ACYP2: variants seen among roughly 807,000 people sequenced by gnomAD.
The protein encoded by ACYP2 is acylphosphatase 2.
In ACYP2, 12 loss-of-function variants were observed where a neutral mutation model predicts 11.2. The ratio of observed to expected loss-of-function variants is 1.08; its 90% CI spans 0.69 to 1.74. The LOEUF (loss-of-function observed/expected upper bound fraction) is 1.74. ACYP2 is among the 40% of genes most tolerant of loss of function. ACYP2 has a pLI of 0.00. For missense variants in ACYP2, 134 were observed against 101.9 expected (o/e 1.31, Z -1.35); for synonymous variants, 43 against 32.2 (o/e 1.33, Z -1.13).
chr2:54,193,382 G>T (rs1684318760), intron 6 of ACYP2, among the ~76,000 whole-genome samples: 1 of 152,176 alleles, frequency 6.6e-6, no homozygotes, highest in Non-Finnish European at 1.5e-5. Context: ...AGAAGGAAAT[G>T]TAAGTTTAGG....
At chr2:54,095,041 C>CCTTCCGT (rs1312870738) in intron 4 of ACYP2, among the ~76,000 whole-genome samples, 14,102 of 145,732 alleles carry the variant, frequency 0.097, 806 homozygotes, top group East Asian at 0.28. Flanking sequence ...CGGCCTTCCG[C>CCTTCCGT]GGTGTTTGTG....
At chr2:54,293,545 A>G (rs1435533658) in intron 6 of ACYP2, among the ~76,000 whole-genome samples, 1 of 152,206 alleles carries the variant, frequency 6.6e-6, no homozygotes, top group Non-Finnish European at 1.5e-5. Flanking sequence ...ACTGGTGGAG[A>G]TGCACTAGAA....
intron 6 of ACYP2, among the ~76,000 whole-genome samples, chr2:54,178,961 A>G (rs920320669): frequency 6.6e-6 from 1 of 152,076 alleles, no homozygotes. Flanking sequence ...TTTACTTCTC[A>G]TGGATCTGGA....
chr2:54,095,222 G>A (rs1198519305), intron 4 of ACYP2, among the ~76,000 whole-genome samples: 2 of 152,302 alleles, frequency 1.3e-5, no homozygotes, highest in South Asian at 4.1e-4. Context: ...CAGATCAACA[G>A]GATCCCAAGG....
intron 4 of ACYP2, among the ~76,000 whole-genome samples, chr2:54,127,121 A>T (rs538966738): frequency 1.5e-5 from 2 of 137,214 alleles, no homozygotes; most frequent in East Asian, 4.1e-4. Context: ...TTTTTTGGAC[A>T]TGGCTCTTTT....
intron 4 of ACYP2, among the ~76,000 whole-genome samples, chr2:54,091,580 C>T (rs546405319): frequency 4.0e-5 from 6 of 151,776 alleles, no homozygotes; most frequent in African/African-American, 1.5e-4. Context: ...GGCACGATCT[C>T]GGCTCACTGC....
At chr2:54,114,940 T>C (rs1009191966) in intron 4 of ACYP2, among the ~76,000 whole-genome samples, 1 of 151,916 alleles carries the variant, frequency 6.6e-6, no homozygotes, top group African/African-American at 2.4e-5. Flanking sequence ...ATTTCATAAA[T>C]AATTTACTAA....
chr2:54,072,664 G>A (rs557604536), intron 4 of ACYP2, among the ~76,000 whole-genome samples: 2 of 151,114 alleles, frequency 1.3e-5, no homozygotes, highest in Non-Finnish European at 2.9e-5. Flanking sequence ...CTGGGCTTAA[G>A]CAATTCTTGT....
At chr2:54,040,234 G>A (rs1675152798) in intron 2 of ACYP2, among the ~76,000 whole-genome samples, 1 of 152,170 alleles carries the variant, frequency 6.6e-6, no homozygotes, top group Admixed American at 6.5e-5. Context: ...CATCCAGTAT[G>A]ACTTCAAGGC....
At chr2:54,239,634 TATA>T (rs1405079096) in intron 6 of ACYP2, among the ~76,000 whole-genome samples, 1 of 152,166 alleles carries the variant, frequency 6.6e-6, no homozygotes, top group African/African-American at 2.4e-5. Context: ...ACACTGAGCT[TATA>T]ATGACTAAGA....
intron 4 of ACYP2, chr2:54,065,406 A>T (rs1219031128): frequency 2.5e-6 from 1 of 398,476 alleles, no homozygotes; most frequent in South Asian, 1.3e-4. Context: ...GCTTTTATAT[A>T]CATACATAAA....
intron 4 of ACYP2, among the ~76,000 whole-genome samples, chr2:54,077,253 C>G (rs1447258925): frequency 6.6e-6 from 1 of 152,174 alleles, no homozygotes; most frequent in Non-Finnish European, 1.5e-5. Context: ...AATGACTTGC[C>G]TAAGTTCTCA....
intron 1 of ACYP2, among the ~76,000 whole-genome samples, chr2:53,972,931 A>G (rs1671245338): frequency 6.6e-6 from 1 of 152,216 alleles, no homozygotes; most frequent in African/African-American, 2.4e-5. Flanking sequence ...TGAGATGCAG[A>G]TTAGCGTGTA....
intron 6 of ACYP2, among the ~76,000 whole-genome samples, chr2:54,299,727 C>A (rs1689652127): frequency 6.6e-6 from 1 of 152,096 alleles, no homozygotes; most frequent in Non-Finnish European, 1.5e-5. Context: ...AAACATCTGA[C>A]TGAATTGTTA....
chr2:54,238,371 T>C (rs1301326243), intron 6 of ACYP2, among the ~76,000 whole-genome samples: 1 of 152,068 alleles, frequency 6.6e-6, no homozygotes, highest in Non-Finnish European at 1.5e-5. Flanking sequence ...TGGATTAGAG[T>C]AAATGTTCAA....
Position 54,139,880 on chromosome 2 carries a change from G to A in ACYP2, c.404+1132G>A, listed in dbSNP as rs1274034918. 4.9e-4 allele frequency among the ~76,000 whole-genome samples: 74 copies of A among 152,156 alleles called. 1 individual carries two copies. The highest frequency in any genetic ancestry group is 4.8e-3 in the Admixed American group (74 of 15,272). On this transcript the variant is annotated intron_variant, in intron 6 of 6. Transcript: ENST00000607452. ...CTTTCACTTAAAAATAGTTAAGTATGCATTTGTAATTAAGGTTTTGCTGAT... is the reference window on the plus strand; with the variant it reads ...CTTTCACTTAAAAATAGTTAAGTATACATTTGTAATTAAGGTTTTGCTGAT...
intron 4 of ACYP2, among the ~76,000 whole-genome samples, chr2:54,091,933 A>G (rs968546011): frequency 1.3e-5 from 2 of 152,154 alleles, no homozygotes; most frequent in Non-Finnish European, 2.9e-5. Context: ...TGGAGAAAGA[A>G]AGTGTTTGTA....
intron 6 of ACYP2, among the ~76,000 whole-genome samples, chr2:54,181,447 T>C (rs994104225): frequency 6.6e-6 from 1 of 152,186 alleles, no homozygotes; most frequent in Non-Finnish European, 1.5e-5. Context: ...GCTGAAAATA[T>C]AACAAGAACA....
intron 6 of ACYP2, among the ~76,000 whole-genome samples, chr2:54,228,688 TAAC>T (rs1686107148): frequency 6.9e-6 from 1 of 145,374 alleles, no homozygotes; most frequent in African/African-American, 2.6e-5. Context: ...GAGATAATCA[TAAC>T]AAAAAAAGAG....
Sources: allele counts gnomAD v4.1 joint callset (sites outside exome capture counted in the v4.1 genomes callset), GRCh38; gene constraint gnomAD v4.1.1; transcripts MANE v1.5; gene names NCBI Gene and HGNC (gene_info 2026-07-23, HGNC 2026-07-21).